ARHGAP28: variants seen among roughly 807,000 people sequenced by gnomAD.
The protein encoded by ARHGAP28 is rho GTPase-activating protein 28.
In ARHGAP28, 56 loss-of-function variants were observed where a neutral mutation model predicts 90.7. The ratio of observed to expected loss-of-function variants is 0.62; its 90% CI spans 0.50 to 0.77. The LOEUF (loss-of-function observed/expected upper bound fraction) is 0.77. Ranked by LOEUF, ARHGAP28 falls within the 30% of genes least tolerant of loss-of-function variation. ARHGAP28 has a pLI of 0.00. For synonymous variants in ARHGAP28, 308 were observed against 323.3 expected, an observed-to-expected ratio of 0.95 and a Z score of 0.51; for missense variants, 869 against 900.9, an observed-to-expected ratio of 0.96 and a Z score of 0.45.
chr18:6,914,985 A>G lies in ARHGAP28; in HGVS notation c.*2831A>G, dbSNP rs891860070. 7.9e-5 allele frequency: 12 copies of G among 152,630 alleles called. No individual in the cohort carries two copies. Among genetic ancestry groups the G allele is most frequent in the Non-Finnish European group, 1.5e-4 (10 of 68,032 alleles). The allele number at this position is 152,630 out of a possible 1,614,324, so 9.5% of individuals were successfully genotyped here. A position where few individuals can be genotyped will look rare whatever the true frequency, so the allele number is the denominator to read the frequency against. On this transcript the variant is annotated 3_prime_UTR_variant, in exon 18 of 18. Transcript: ENST00000383472. ...ACTTGCCTTTCTTGGGAAAAAAAAAATGAATGGACTTTAACAATTGTTGTT... is the reference window on the plus strand; with the variant it reads ...ACTTGCCTTTCTTGGGAAAAAAAAAGTGAATGGACTTTAACAATTGTTGTT...
chr18:6,873,558 G>GA lies in ARHGAP28; in HGVS notation c.1107dup (p.Val370SerfsTer20). On this transcript the variant is annotated frameshift_variant, in exon 8 of 18. Coordinates refer to ENST00000383472, the MANE Select transcript of ARHGAP28 (RefSeq NM_001366230.1). LOFTEE classifies it high-confidence loss of function. Reference sequence around the variant, plus strand: ...TTCAACTGAAAAGGAACAAAACAGAGAAAGTAAAAGGACGAGGTAACTAAG... The same window carrying GA: ...TTCAACTGAAAAGGAACAAAACAGAGAAAAGTAAAAGGACGAGGTAACTAAG... 1 of 1,613,462 alleles carries GA rather than the reference G, an allele frequency of 6.2e-7. No homozygotes were observed. The highest frequency in any genetic ancestry group is 8.5e-7 in the Non-Finnish European group (1 of 1,179,860).
At chr18:6,895,696 G>A (rs1420672646) in intron 15 of ARHGAP28, among the ~76,000 whole-genome samples, 1 of 152,156 alleles carries the variant, frequency 6.6e-6, no homozygotes, top group African/African-American at 2.4e-5. Flanking sequence ...ACTCCCTACT[G>A]CAGTTTAAAC....
At chr18:6,737,508 C>T (rs556684237) in intron 1 of ARHGAP28, among the ~76,000 whole-genome samples, 3 of 152,228 alleles carry the variant, frequency 2.0e-5, no homozygotes, top group Non-Finnish European at 2.9e-5. Context: ...ATTAGATAAT[C>T]AGCTTGTTAC....
intron 1 of ARHGAP28, among the ~76,000 whole-genome samples, chr18:6,800,211 C>T (rs1036928349): frequency 3.3e-5 from 5 of 152,052 alleles, no homozygotes; most frequent in Admixed American, 1.3e-4. Context: ...AGGAAACAAC[C>T]GATGCTGGAG....
chr18:6,773,959 G>C (rs752606928), intron 1 of ARHGAP28: 6 of 152,208 alleles, frequency 3.9e-5, no homozygotes, highest in African/African-American at 1.4e-4. Flanking sequence ...GGCAGCATTT[G>C]TCCCACAGGC....
At chr18:6,813,045 G>A (rs994920036) in intron 1 of ARHGAP28, among the ~76,000 whole-genome samples, 2 of 152,178 alleles carry the variant, frequency 1.3e-5, no homozygotes, top group Non-Finnish European at 2.9e-5. Flanking sequence ...TTGGGTGGAC[G>A]ATGATTATTG....
intron 1 of ARHGAP28, among the ~76,000 whole-genome samples, chr18:6,737,809 G>A (rs1207504472): frequency 6.6e-6 from 1 of 152,180 alleles, no homozygotes; most frequent in East Asian, 1.9e-4. Context: ...AATAAAAAAA[G>A]TAGATTGTTT....
chr18:6,893,840 C>T (rs369830149), intron 14 of ARHGAP28, among the ~76,000 whole-genome samples: 192 of 148,130 alleles, frequency 1.3e-3, no homozygotes, highest in African/African-American at 4.5e-3. Context: ...GTTTTTCTTT[C>T]GTACTATTGT....
chr18:6,858,093 A>G (rs2056968389), intron 4 of ARHGAP28, among the ~76,000 whole-genome samples: 1 of 152,046 alleles, frequency 6.6e-6, no homozygotes, highest in Admixed American at 6.5e-5. Context: ...AGACTTCTGT[A>G]CTCAAACTAG....
intron 10 of ARHGAP28, among the ~76,000 whole-genome samples, chr18:6,877,960 G>C (rs1378966210): frequency 1.3e-5 from 2 of 151,190 alleles, no homozygotes; most frequent in Non-Finnish European, 3.0e-5. Context: ...CTCTGTGTGT[G>C]TGTGTGTGTA....
intron 17 of ARHGAP28, among the ~76,000 whole-genome samples, chr18:6,909,249 T>C (rs1167553963): frequency 3.4e-5 from 2 of 58,726 alleles, no homozygotes; most frequent in Non-Finnish European, 9.7e-5. Flanking sequence ...TAGGCTTGGG[T>C]CTTTTCTTTT....
chr18:6,895,136 C>T (rs531404522), intron 15 of ARHGAP28, among the ~76,000 whole-genome samples: 18 of 152,072 alleles, frequency 1.2e-4, no homozygotes, highest in Non-Finnish European at 1.9e-4. Flanking sequence ...TTGCAGTCAT[C>T]GGTAAGTAAT....
chr18:6,841,208 CCTCTCT>C (rs369622522), intron 3 of ARHGAP28, among the ~76,000 whole-genome samples: 12 of 43,134 alleles, frequency 2.8e-4, no homozygotes, highest in East Asian at 1.5e-3. Flanking sequence ...TCTCTCCTCT[CCTCTCT>C]CTCTCTCTCC....
chr18:6,770,137 T>C (rs2056230670), intron 1 of ARHGAP28, among the ~76,000 whole-genome samples: 1 of 152,212 alleles, frequency 6.6e-6, no homozygotes, highest in South Asian at 2.1e-4. Context: ...AATTGCAGGC[T>C]TTGGGATAAT....
intron 1 of ARHGAP28, among the ~76,000 whole-genome samples, chr18:6,747,948 T>A (rs1180972209): frequency 2.0e-5 from 3 of 152,208 alleles, no homozygotes; most frequent in African/African-American, 7.2e-5. Context: ...GGGAAGGCTT[T>A]AACTCGACAC....
At chr18:6,794,551 C>T (rs1387378489) in intron 1 of ARHGAP28, among the ~76,000 whole-genome samples, 1 of 152,172 alleles carries the variant, frequency 6.6e-6, no homozygotes, top group Non-Finnish European at 1.5e-5. Context: ...TTTAAAAATT[C>T]CCAGTGGTTT....
At chr18:6,855,454 G>A (rs79006984) in intron 4 of ARHGAP28, among the ~76,000 whole-genome samples, 4 of 152,156 alleles carry the variant, frequency 2.6e-5, no homozygotes, top group Non-Finnish European at 4.4e-5. Flanking sequence ...CCTGTTTGCC[G>A]AAAGGAGCTA....
intron 4 of ARHGAP28, among the ~76,000 whole-genome samples, chr18:6,858,549 CTT>C (rs11403300): frequency 6.7e-6 from 1 of 148,166 alleles, no homozygotes; most frequent in Admixed American, 6.7e-5. Context: ...AAATTTCTTT[CTT>C]TTTTTTTTTG....
intron 16 of ARHGAP28, among the ~76,000 whole-genome samples, chr18:6,903,573 C>T (rs553422761): frequency 6.6e-6 from 1 of 152,202 alleles, no homozygotes; most frequent in Admixed American, 6.5e-5. Flanking sequence ...TGACTCATGC[C>T]TGTAATTCCA....
Sources: allele counts gnomAD v4.1 joint callset (sites outside exome capture counted in the v4.1 genomes callset), GRCh38; gene constraint gnomAD v4.1.1; transcripts MANE v1.5; gene names NCBI Gene and HGNC (gene_info 2026-07-23, HGNC 2026-07-21).